XRCC4: variants seen among roughly 807,000 people sequenced by gnomAD.
XRCC4 encodes the protein X-ray repair cross complementing 4, also known as DNA repair protein XRCC4.
A neutral mutation model predicts 39.1 loss-of-function variants in XRCC4; 28 were observed. That is an observed-to-expected ratio of 0.72 (90% CI 0.53 to 0.98). XRCC4 has a LOEUF of 0.98. XRCC4 is among the 50% of genes least tolerant of loss of function. The pLI is 0.00. For missense variants in XRCC4, 350 were observed against 376.4 expected (o/e 0.93, Z 0.58); for synonymous variants, 123 against 126.4 (o/e 0.97, Z 0.18).
chr5:83,198,111 A>G (rs1334105182), intron 4 of XRCC4, among the ~76,000 whole-genome samples: 2 of 152,164 alleles, frequency 1.3e-5, no homozygotes, highest in Non-Finnish European at 2.9e-5. Flanking sequence ...GGACATGAGC[A>G]TATGGAGTTA....
At chr5:83,156,660 T>C (rs1323014058) in intron 3 of XRCC4, among the ~76,000 whole-genome samples, 3 of 152,114 alleles carry the variant, frequency 2.0e-5, no homozygotes, top group Non-Finnish European at 4.4e-5. Flanking sequence ...TGGCTTATAT[T>C]GCCTTAAATA....
chr5:83,199,054 T>C (rs1184022306), intron 4 of XRCC4, among the ~76,000 whole-genome samples: 2 of 152,152 alleles, frequency 1.3e-5, no homozygotes, highest in Admixed American at 6.5e-5. Flanking sequence ...AAACCCATAA[T>C]TGGAGGCAGT....
intron 4 of XRCC4, among the ~76,000 whole-genome samples, chr5:83,199,768 A>T (rs10473870): frequency 0.51 from 77,259 of 151,412 alleles, 20,866 homozygotes; most frequent in African/African-American, 0.68. Flanking sequence ...TTAATTTTTT[A>T]AAAAAAATTA....
chr5:83,108,592 C>T (rs1161562110), intron 2 of XRCC4, among the ~76,000 whole-genome samples: 1 of 151,784 alleles, frequency 6.6e-6, no homozygotes, highest in Non-Finnish European at 1.5e-5. Context: ...TATTTTCAGA[C>T]AGGTATCTTT....
intron 7 of XRCC4, among the ~76,000 whole-genome samples, chr5:83,295,457 A>G (rs1561459995): frequency 6.6e-6 from 1 of 152,026 alleles, no homozygotes; most frequent in Non-Finnish European, 1.5e-5. Flanking sequence ...ACAATAAATA[A>G]TTGTACTCCA....
intron 1 of XRCC4, among the ~76,000 whole-genome samples, chr5:83,090,865 TTTTG>T (rs1467933816): frequency 3.3e-5 from 5 of 152,180 alleles, no homozygotes; most frequent in African/African-American, 4.8e-5. Flanking sequence ...ACTCATTATT[TTTTG>T]TTTGTTAAAT....
intron 6 of XRCC4, among the ~76,000 whole-genome samples, chr5:83,233,997 A>G (rs1752595841): frequency 1.3e-5 from 2 of 151,944 alleles, no homozygotes; most frequent in African/African-American, 2.4e-5. Flanking sequence ...TCTAGGGTTT[A>G]GTTTTAGTTC....
chr5:83,178,200 G>A (rs1282102233), intron 3 of XRCC4, among the ~76,000 whole-genome samples: 1 of 152,060 alleles, frequency 6.6e-6, no homozygotes, highest in African/African-American at 2.4e-5. Flanking sequence ...AAATGGATGC[G>A]TTTAGTTTTC....
chr5:83,219,191 T>C (rs1508789), intron 6 of XRCC4, among the ~76,000 whole-genome samples: 31,691 of 152,106 alleles, frequency 0.21, 7,510 homozygotes, highest in African/African-American at 0.59. Context: ...GGATTAGGGC[T>C]CACCCTAATG....
Position 83,204,711 on chromosome 5 carries a change from A to G in XRCC4, c.639-104A>G, listed in dbSNP as rs534669701. 1.2e-4 allele frequency: 85 copies of G among 716,454 alleles called. No homozygotes were observed. The South Asian group carries it at 2.2e-3, about 18-fold the overall frequency. The allele number at this position is 716,454 out of a possible 1,614,324, so 44.4% of individuals were successfully genotyped here. On this transcript the variant is annotated intron_variant, in intron 5 of 7. Coordinates refer to ENST00000396027, the MANE Select transcript of XRCC4 (RefSeq NM_003401.5). ...ATATTTTCAATATGTTTGTCTAATT[A>G]GAATCTTTTTCTAGGAATATTTTCT...
chr5:83,315,197 A>C (rs142008960), intron 7 of XRCC4, among the ~76,000 whole-genome samples: 1,959 of 152,212 alleles, frequency 0.013, 33 homozygotes, highest in African/African-American at 0.044. Flanking sequence ...ATTCCTATAA[A>C]CCGAAGCCTA....
At chr5:83,133,617 C>T (rs1381058120) in intron 3 of XRCC4, among the ~76,000 whole-genome samples, 1 of 152,178 alleles carries the variant, frequency 6.6e-6, no homozygotes, top group Non-Finnish European at 1.5e-5. Flanking sequence ...CCTTGCTGCC[C>T]CCTTGCAGTT....
At chr5:83,133,230 G>A (rs1426230561) in intron 3 of XRCC4, among the ~76,000 whole-genome samples, 1 of 152,154 alleles carries the variant, frequency 6.6e-6, no homozygotes. Context: ...AAATGCTGCT[G>A]CCTGATGCTT....
chr5:83,240,738 C>T (rs1752875854), intron 6 of XRCC4, among the ~76,000 whole-genome samples: 1 of 152,092 alleles, frequency 6.6e-6, no homozygotes, highest in African/African-American at 2.4e-5. Context: ...TGAGTGAGAT[C>T]ACCAGGAAAA....
At chr5:83,232,742 A>C (rs1389932461) in intron 6 of XRCC4, among the ~76,000 whole-genome samples, 3 of 152,126 alleles carry the variant, frequency 2.0e-5, no homozygotes, top group Non-Finnish European at 4.4e-5. Context: ...AAATCTTGTA[A>C]ATTTCTGGTC....
At chr5:83,314,832 C>G (rs1174271253) in intron 7 of XRCC4, among the ~76,000 whole-genome samples, 1 of 152,042 alleles carries the variant, frequency 6.6e-6, no homozygotes, top group Non-Finnish European at 1.5e-5. Context: ...CTGCTCATGT[C>G]CCTCCCTCTC....
At chr5:83,165,741 G>A (rs974046629) in intron 3 of XRCC4, among the ~76,000 whole-genome samples, 1 of 151,938 alleles carries the variant, frequency 6.6e-6, no homozygotes, top group Admixed American at 6.6e-5. Context: ...ACAGTATTTG[G>A]TTTTCTGTTT....
chr5:83,134,725 C>T (rs1747799102), intron 3 of XRCC4, among the ~76,000 whole-genome samples: 1 of 152,182 alleles, frequency 6.6e-6, no homozygotes, highest in Non-Finnish European at 1.5e-5. Context: ...TTTGTTCTTT[C>T]ATTCTTCGCA....
chr5:83,090,351 G>GGT (rs1554052986), intron 1 of XRCC4, among the ~76,000 whole-genome samples: 1 of 151,590 alleles, frequency 6.6e-6, no homozygotes, highest in African/African-American at 2.4e-5. Context: ...GGTTGGGGGG[G>GGT]GCTCCCTGCA....
Sources: allele counts gnomAD v4.1 joint callset (sites outside exome capture counted in the v4.1 genomes callset), GRCh38; gene constraint gnomAD v4.1.1; transcripts MANE v1.5; gene names NCBI Gene and HGNC (gene_info 2026-07-23, HGNC 2026-07-21).